Variants in UBASH3B observed in about 807,000 individuals in gnomAD.
UBASH3B encodes the protein ubiquitin associated and SH3 domain containing B, also known as ubiquitin-associated and SH3 domain-containing protein B.
UBASH3B carries 37 observed loss-of-function variants against 83.4 expected under a neutral mutation model. The ratio of observed to expected loss-of-function variants is 0.44; its 90% confidence interval spans 0.34 to 0.58. The LOEUF (loss-of-function observed/expected upper bound fraction) is 0.58. Ranked by LOEUF, UBASH3B falls within the 20% of genes least tolerant of loss-of-function variation. UBASH3B has a pLI of 0.01. For synonymous variants in UBASH3B, 304 were observed against 318.3 expected, an observed-to-expected ratio of 0.96 and a Z score of 0.48; for missense variants, 657 against 827.2, an observed-to-expected ratio of 0.79 and a Z score of 2.52.
chr11:122,768,522 T>A (rs865907519), intron 1 of UBASH3B, among the ~76,000 whole-genome samples: 1 of 117,746 alleles, frequency 8.5e-6, no homozygotes, highest in Non-Finnish European at 1.9e-5. Flanking sequence ...ATATATATAT[T>A]TGAGACTGAG....
chr11:122,755,592 C>T (rs1662355652), intron 1 of UBASH3B, among the ~76,000 whole-genome samples: 3 of 152,202 alleles, frequency 2.0e-5, no homozygotes, highest in South Asian at 4.1e-4. Flanking sequence ...TGTACCAAAG[C>T]GGCTCTCAGC....
At chr11:122,745,322 G>GGGATCCTA (rs1295142672) in intron 1 of UBASH3B, among the ~76,000 whole-genome samples, 17 of 152,242 alleles carry the variant, frequency 1.1e-4, no homozygotes, top group African/African-American at 4.1e-4. Flanking sequence ...ACTTAGCACA[G>GGGATCCTA]TTCCTGGTAG....
At chr11:122,710,022 G>A (rs913764064) in intron 1 of UBASH3B, among the ~76,000 whole-genome samples, 3 of 151,954 alleles carry the variant, frequency 2.0e-5, no homozygotes, top group Admixed American at 6.6e-5. Context: ...CAGGCATGGT[G>A]GCGGGCACCT....
chr11:122,662,288 T>A (rs1390947051), intron 1 of UBASH3B, among the ~76,000 whole-genome samples: 2 of 152,158 alleles, frequency 1.3e-5, no homozygotes, highest in Non-Finnish European at 1.5e-5. Context: ...GATTGATACA[T>A]TTTGACAACT....
At chr11:122,732,960 T>C (rs1860867837) in intron 1 of UBASH3B, among the ~76,000 whole-genome samples, 1 of 152,188 alleles carries the variant, frequency 6.6e-6, no homozygotes, top group Non-Finnish European at 1.5e-5. Context: ...ATTCCTGGCT[T>C]GTTATGATGT....
At chr11:122,731,129 G>A (rs546392573) in intron 1 of UBASH3B, among the ~76,000 whole-genome samples, 15 of 152,272 alleles carry the variant, frequency 9.9e-5, no homozygotes, top group South Asian at 6.2e-4. Flanking sequence ...TGTGCCAATC[G>A]GATTCTGTTT....
chr11:122,674,977 C>T (rs1452016364), intron 1 of UBASH3B, among the ~76,000 whole-genome samples: 2 of 152,088 alleles, frequency 1.3e-5, no homozygotes, highest in Non-Finnish European at 2.9e-5. Flanking sequence ...GATCCACCCA[C>T]CTTCGTCTCC....
intron 3 of UBASH3B, among the ~76,000 whole-genome samples, chr11:122,779,072 A>T (rs1860797661): frequency 6.6e-6 from 1 of 152,198 alleles, no homozygotes. Context: ...CTCTCTTAGT[A>T]ATTTTCAAGC....
chr11:122,788,114 G>A (rs1243916465), intron 5 of UBASH3B, among the ~76,000 whole-genome samples: 1 of 152,192 alleles, frequency 6.6e-6, no homozygotes, highest in African/African-American at 2.4e-5. Flanking sequence ...TTTGGCCTGG[G>A]GGCTGTTTCG....
At chr11:122,762,928 T>G (rs1355825933) in intron 1 of UBASH3B, among the ~76,000 whole-genome samples, 1 of 152,248 alleles carries the variant, frequency 6.6e-6, no homozygotes, top group Non-Finnish European at 1.5e-5. Context: ...CAAAGGTTAT[T>G]TGTGTTAAGT....
At chr11:122,728,665 C>T (rs762137501) in intron 1 of UBASH3B, among the ~76,000 whole-genome samples, 17 of 152,196 alleles carry the variant, frequency 1.1e-4, no homozygotes, top group Non-Finnish European at 2.1e-4. Flanking sequence ...GGATTGGGTA[C>T]CCCATTCAGC....
intron 1 of UBASH3B, among the ~76,000 whole-genome samples, chr11:122,687,803 C>A (rs1321446343): frequency 1.3e-5 from 2 of 152,110 alleles, no homozygotes; most frequent in Non-Finnish European, 2.9e-5. Context: ...TCCTGGTGCT[C>A]CCGTGTCTCC....
chr11:122,707,314 AT>A (rs1864133530), intron 1 of UBASH3B, among the ~76,000 whole-genome samples: 1 of 151,902 alleles, frequency 6.6e-6, no homozygotes, highest in African/African-American at 2.4e-5. Flanking sequence ...CTTTTCCACT[AT>A]TTTCCTCTTG....
intron 1 of UBASH3B, among the ~76,000 whole-genome samples, chr11:122,702,096 C>G (rs1323037001): frequency 6.6e-6 from 1 of 152,198 alleles, no homozygotes; most frequent in African/African-American, 2.4e-5. Context: ...CTTTACTTCT[C>G]TATGTCTCCC....
chr11:122,683,762 T>TCG, intron 1 of UBASH3B, among the ~76,000 whole-genome samples: 1 of 80,438 alleles, frequency 1.2e-5, no homozygotes, highest in Admixed American at 1.9e-4. Context: ...TGTGTGTGTG[T>TCG]GTGTGTGTGT....
chr11:122,770,881 C>T lies in UBASH3B; in HGVS notation c.162-5338C>T, dbSNP rs534640508. On this transcript the variant is annotated intron_variant, in intron 1 of 13. Transcript: ENST00000284273. The stretch of plus-strand genomic sequence containing the variant: ...CAACCTCTCAATGTGTTCTTCCCAC[C>T]TATTGTCAAGGCCTTCTAGCCTCCC... Among the ~76,000 whole-genome samples the T allele has an allele frequency of 2.0e-4, 30 of 152,324 alleles. No homozygotes were observed. The South Asian group carries it at 3.5e-3, about 18-fold the overall frequency.
chr11:122,696,403 C>T (rs571860739), intron 1 of UBASH3B, among the ~76,000 whole-genome samples: 16 of 150,848 alleles, frequency 1.1e-4, no homozygotes, highest in African/African-American at 3.7e-4. Flanking sequence ...CTCTGCCTCC[C>T]GGGTTCAAGC....
chr11:122,767,984 T>G (rs1860578671), intron 1 of UBASH3B, among the ~76,000 whole-genome samples: 1 of 152,132 alleles, frequency 6.6e-6, no homozygotes, highest in South Asian at 2.1e-4. Flanking sequence ...TAAATGACTC[T>G]TGACTTGTAG....
At chr11:122,740,981 G>A (rs76412677) in intron 1 of UBASH3B, among the ~76,000 whole-genome samples, 2,484 of 152,272 alleles carry the variant, frequency 0.016, 67 homozygotes, top group African/African-American at 0.057. Flanking sequence ...CAAATCGTTC[G>A]CAGGGATTTT....
Sources: allele counts gnomAD v4.1 joint callset (sites outside exome capture counted in the v4.1 genomes callset), GRCh38; gene constraint gnomAD v4.1.1; transcripts MANE v1.5; gene names NCBI Gene and HGNC (gene_info 2026-07-23, HGNC 2026-07-21).